PPFIA4: variants seen among roughly 807,000 people sequenced by gnomAD.
PPFIA4 encodes PPFI scaffold protein A4, also known as liprin-alpha-4.
In PPFIA4, 98 loss-of-function variants were observed where a neutral mutation model predicts 145.7. The observed-to-expected ratio is 0.67, with a 90% CI of 0.57 to 0.80. The LOEUF is 0.80. Ranked by LOEUF, PPFIA4 falls within the 30% of genes least tolerant of loss-of-function variation. The pLI is 0.00. For missense variants in PPFIA4, 1,457 were observed against 1,632.7 expected (o/e 0.89, Z 1.85); for synonymous variants, 628 against 649.6 (o/e 0.97, Z 0.51).
intron 25 of PPFIA4, among the ~76,000 whole-genome samples, chr1:203,067,241 G>C (rs1388556054): frequency 6.6e-6 from 1 of 152,204 alleles, no homozygotes; most frequent in South Asian, 2.1e-4. Context: ...GAGAGCAAGA[G>C]GGAGAGTGGC....
chr1:203,048,966 C>T lies in PPFIA4; in HGVS notation c.1405C>T (p.Gln469Ter). The T allele has an allele frequency of 6.5e-7, 1 of 1,548,528 alleles. No individual in the cohort carries two copies. Among genetic ancestry groups the T allele is most frequent in the Non-Finnish European group, 8.7e-7 (1 of 1,146,828 alleles). ...LESSQRQIEEQHHHKGRLSEE... is the reference protein window; with the variant it reads ...LESSQRQIEE ...GAGCTCCCAGCGGCAGATTGAGGAG[C>T]AGCACCACCACAAGGTACCCGGCTG... The change falls in exon 12 of 30, where the codon CAG becomes TAG. Residue 469 changes from glutamine to a stop codon, truncating the protein, a stop_gained. Transcript: ENST00000295706. LOFTEE classifies it high-confidence loss of function. This position sits in a 1 kb window ranked among gnomAD's most constrained non-coding sequence, Gnocchi z 5.8.
chr1:203,049,323 G>A (rs1220112481), intron 12 of PPFIA4, among the ~76,000 whole-genome samples: 2 of 152,182 alleles, frequency 1.3e-5, no homozygotes, highest in African/African-American at 4.8e-5. Flanking sequence ...CCTGGCCTCG[G>A]CAATGTCTGT....
At chr1:203,050,830 A>G (rs1660454459) in intron 13 of PPFIA4, among the ~76,000 whole-genome samples, 1 of 151,564 alleles carries the variant, frequency 6.6e-6, no homozygotes, top group African/African-American at 2.4e-5. Context: ...CAACCCCTCA[A>G]TTAGTAAAAT....
chr1:203,032,070 G>GTGTGTGTGTGTT (rs1371605490), intron 1 of PPFIA4, among the ~76,000 whole-genome samples: 1 of 151,850 alleles, frequency 6.6e-6, no homozygotes, highest in Non-Finnish European at 1.5e-5. Context: ...GTGTGTGTGT[G>GTGTGTGTGTGTT]TTTTAGCAGG....
Position 203,075,686 on chromosome 1 carries a change from C to T in PPFIA4, c.3503C>T (p.Ala1168Val), listed in dbSNP as rs758637102. 9 of 1,490,826 alleles carry T rather than the reference C, an allele frequency of 6.0e-6. No homozygotes were observed. The East Asian group carries it at 8.3e-5, about 14-fold the overall frequency. The allele number at this position is 1,490,826 out of a possible 1,614,324, so 92.3% of individuals were successfully genotyped here. A position where few individuals can be genotyped will look rare whatever the true frequency, so the allele number is the denominator to read the frequency against. ...AGCGCTTCCGCGGAGACCCTCCCGG[C>T]GGGCTTCCGTGTGTCCACCCTGGGG... ...MLSASAETLP[A>V]GFRVSTLGTL... The change falls in exon 29 of 30, where the codon GCG (alanine) becomes GTG (valine). Residue 1168 changes from alanine (A) to valine (V), a missense_variant. Physicochemically the swap from Ala to Val is moderately conservative, Grantham distance 64 (BLOSUM62 0). Coordinates refer to ENST00000295706, the MANE Select transcript of PPFIA4 (RefSeq NM_001304331.2). The surrounding 1 kb of genome is among the most constrained non-coding windows in gnomAD (Gnocchi z 4.1).
Position 203,060,467 on chromosome 1 carries a change from A to T in PPFIA4, c.2784+50A>T, listed in dbSNP as rs1038500854. On this transcript the variant is annotated intron_variant, in intron 22 of 29. Coordinates refer to ENST00000295706, the MANE Select transcript of PPFIA4 (RefSeq NM_001304331.2). The surrounding 1 kb of genome is among the most constrained non-coding windows in gnomAD (Gnocchi z 4.8). ...GACATTTTCAGAGGTCCTGGAACAT[A>T]GTTTGCAAGGTCTCCTGTTGGGCTT... is the stretch of plus-strand genomic sequence containing the variant. 1 of 1,585,324 alleles carries T rather than the reference A, an allele frequency of 6.3e-7. No homozygotes were observed. Among genetic ancestry groups the T allele is most frequent in the Admixed American group, 1.7e-5 (1 of 59,886 alleles).
intron 25 of PPFIA4, among the ~76,000 whole-genome samples, chr1:203,065,342 A>T (rs755191522): frequency 1.3e-5 from 2 of 151,110 alleles, no homozygotes; most frequent in African/African-American, 4.9e-5. Context: ...GCTAGGGCTG[A>T]AAAGGAATCG....
In PPFIA4 at chr1:203,075,675, G is replaced by T; in HGVS notation, c.3492G>T (p.Glu1164Asp). The T allele has an allele frequency of 6.7e-7, 1 of 1,499,154 alleles. No homozygotes were observed. The highest frequency in any genetic ancestry group is 8.9e-7 in the Non-Finnish European group (1 of 1,122,450). 92.9% of individuals were successfully genotyped at this position (1,499,154 alleles called of 1,614,324 possible). The change falls in exon 29 of 30, where the codon GAG becomes GAT. Residue 1164 changes from glutamate (E) to aspartate (D), a missense_variant. This residue lies in a region of PPFIA4 where 146 missense variants were observed against 126.2 expected (regional missense o/e 1.16). Coordinates refer to ENST00000295706, the MANE Select transcript of PPFIA4 (RefSeq NM_001304331.2). The surrounding 1 kb of genome is among the most constrained non-coding windows in gnomAD (Gnocchi z 4.1). ...GRGGMLSASA[E>D]TLPAGFRVST... ...GCGGCATGCTCAGCGCTTCCGCGGA[G>T]ACCCTCCCGGCGGGCTTCCGTGTGT...
rs1247776701 is a variant in PPFIA4 at position 203,059,264 on chromosome 1, A to G, written c.2494A>G (p.Lys832Glu). 3.3e-6 allele frequency: 5 copies of G among 1,517,172 alleles called. No homozygotes were observed. The highest frequency in any genetic ancestry group is 3.6e-6 in the Non-Finnish European group (4 of 1,112,308). 94.0% of individuals were successfully genotyped at this position (1,517,172 alleles called of 1,614,324 possible). The change falls in exon 20 of 30, where the codon AAG becomes GAG. Residue 832 changes from lysine (K) to glutamate (E), a missense_variant. Lys to Glu is a moderately conservative substitution (Grantham distance 56, BLOSUM62 1). Transcript: ENST00000295706. The part of the protein sequence containing the change: ...GTQAEKDRRL[K>E]KKHQLLEDAR... ...CCAGGCAGAGAAGGACCGGCGGCTA[A>G]AGAAGAAGTAAGAGCCACAGGCCAG...
Position 203,050,289 on chromosome 1 carries a change from G to A in PPFIA4, c.1511+522G>A, listed in dbSNP as rs113952628. ...GCATCCCTTTTCTTGAAACCATTGT[G>A]AGAGATGGAGCTTATCTCCTAATGC... On this transcript the variant is annotated intron_variant, in intron 13 of 29. Transcript: ENST00000295706. 3.9e-3 allele frequency among the ~76,000 whole-genome samples: 590 copies of A among 152,344 alleles called. 8 individuals carry two copies. The highest frequency in any genetic ancestry group is 0.014 in the African/African-American group (568 of 41,554).
chr1:203,071,711 G>T lies in PPFIA4; in HGVS notation c.3344G>T (p.Arg1115Ile), dbSNP rs1331731206. ...CTGCAGGCACGCCAAGTGATGGAAA[G>T]AGAGTTCAATAACCTGTTGGCCTTG... ...QNTQARQVMEREFNNLLALGT... is the reference protein window; with the variant it reads ...QNTQARQVMEIEFNNLLALGT... Residue 1115 changes from arginine (R) to isoleucine (I), a missense_variant, in exon 28 of 30, where the codon AGA (arginine) becomes ATA (isoleucine). Arg to Ile is a moderately conservative substitution (Grantham distance 97). Coordinates refer to ENST00000295706, the MANE Select transcript of PPFIA4 (RefSeq NM_001304331.2). 6.2e-7 allele frequency: 1 copy of T among 1,612,988 alleles called. No homozygotes were observed. Among genetic ancestry groups the T allele is most frequent in the Non-Finnish European group, 8.5e-7 (1 of 1,179,346 alleles).
At chr1:203,035,200 C>T in intron 1 of PPFIA4, 1 of 429,464 alleles carries the variant, frequency 2.3e-6, no homozygotes, top group Non-Finnish European at 4.7e-6. Flanking sequence ...CTGGAGGCTC[C>T]CTTTTTGCCC....
chr1:203,069,758 CCCCCG>C (rs1662005838), intron 27 of PPFIA4, among the ~76,000 whole-genome samples: 5 of 129,230 alleles, frequency 3.9e-5, no homozygotes, highest in Non-Finnish European at 4.9e-5. Context: ...TGCAGTGACC[CCCCCG>C]CCCCGCCCCC....
Position 203,033,982 on chromosome 1 carries a change from G to A in PPFIA4, c.-399-4628G>A, listed in dbSNP as rs1170331249. On this transcript the variant is annotated intron_variant, in intron 1 of 29. Coordinates refer to ENST00000295706, the MANE Select transcript of PPFIA4 (RefSeq NM_001304331.2). Reference sequence around the variant, plus strand: ...AGTCAGGGATGGACTGCCCTGGAACGACTGTCAGCACAGGTCTGTTCAGTT... The same window carrying A: ...AGTCAGGGATGGACTGCCCTGGAACAACTGTCAGCACAGGTCTGTTCAGTT... Among the ~76,000 whole-genome samples, 6 of 152,270 alleles carry A rather than the reference G, an allele frequency of 3.9e-5. No homozygotes were observed. The South Asian group carries it at 1.2e-3, about 32-fold the overall frequency.
At chr1:203,071,841 T>G in intron 28 of PPFIA4, 81 bp downstream of exon 28, 2 of 1,214,656 alleles carry the variant, frequency 1.6e-6, no homozygotes, top group Non-Finnish European at 2.4e-6. Flanking sequence ...CTGCCTTCCC[T>G]GGGCTAATTG....
In PPFIA4 at chr1:203,051,842, C is replaced by T. The variant is rs1387806788; in HGVS notation, c.1585C>T (p.Arg529Cys). Residue 529 changes from arginine (R) to cysteine (C), a missense_variant, in exon 14 of 30, where the codon CGC becomes TGC. Physicochemically the swap from Arg to Cys is radical, Grantham distance 180. Coordinates refer to ENST00000295706, the MANE Select transcript of PPFIA4 (RefSeq NM_001304331.2). ...CACACACGCACCCCCAGGCGTGCAT[C>T]GCCGCTACTCGGCATTGAGGGAAGA... The part of the protein sequence containing the change: ...TTTHAPPGVH[R>C]RYSALREESA... 4 of 1,613,706 alleles carry T rather than the reference C, an allele frequency of 2.5e-6. No homozygotes were observed. The highest frequency in any genetic ancestry group is 1.7e-5 in the Admixed American group (1 of 59,992).
At chr1:203,070,987 T>C (rs1662114916) in intron 27 of PPFIA4, among the ~76,000 whole-genome samples, 4 of 151,728 alleles carry the variant, frequency 2.6e-5, no homozygotes, top group Admixed American at 2.0e-4. Flanking sequence ...AGGGTCTTGT[T>C]CTATCACCCG....
Position 203,043,419 on chromosome 1 carries a change from A to T in PPFIA4, c.257A>T (p.Glu86Val). 4.3e-6 allele frequency: 7 copies of T among 1,611,206 alleles called. No individual in the cohort carries two copies. Among genetic ancestry groups the T allele is most frequent in the Non-Finnish European group, 5.9e-6 (7 of 1,179,196 alleles). Reference protein sequence around the residue: ...LPQEFATLTRELSMCREQLLE... With the variant: ...LPQEFATLTRVLSMCREQLLE... ...CAGGAATTTGCCACCTTAACCCGGG[A>T]GCTGAGCATGTGTCGGGAGCAGCTT... The change falls in exon 3 of 30, where the codon GAG (glutamate) becomes GTG (valine). Residue 86 changes from glutamate to valine, a missense_variant. By Grantham distance (121) the Glu-to-Val change is moderately radical. Coordinates refer to ENST00000295706, the MANE Select transcript of PPFIA4 (RefSeq NM_001304331.2). This position sits in a 1 kb window ranked among gnomAD's most constrained non-coding sequence, Gnocchi z 4.4.
chr1:203,027,447 T>G (rs530712527), intron 1 of PPFIA4, among the ~76,000 whole-genome samples: 9 of 152,230 alleles, frequency 5.9e-5, no homozygotes, highest in Admixed American at 2.0e-4. Flanking sequence ...AAGGTGCCAC[T>G]AGGAGCTGAT....
Sources: allele counts gnomAD v4.1 joint callset (sites outside exome capture counted in the v4.1 genomes callset), GRCh38; gene constraint gnomAD v4.1.1; regional missense constraint gnomAD v4.1.1; non-coding constraint Gnocchi (gnomAD v3.1); transcripts MANE v1.5; gene names NCBI Gene and HGNC (gene_info 2026-07-23, HGNC 2026-07-21).